The following ARSG variants were observed in gnomAD, a reference collection of about 807,000 sequenced individuals.
The protein encoded by ARSG is ASG.
ARSG carries 37 observed loss-of-function variants against 50.5 expected under a neutral mutation model. The ratio of observed to expected loss-of-function variants is 0.73; its 90% confidence interval spans 0.56 to 0.96. ARSG has a LOEUF of 0.96. Ranked by LOEUF, ARSG falls within the 50% of genes least tolerant of loss-of-function variation. The probability of loss-of-function intolerance (pLI) is 0.00; values close to 1 mark genes in which losing one functional copy is unlikely to be tolerated. For missense variants in ARSG, 629 were observed against 675.3 expected, an observed-to-expected ratio of 0.93 and a Z score of 0.76; for synonymous variants, 225 against 254.6, an observed-to-expected ratio of 0.88 and a Z score of 1.11.
intron 6 of ARSG, among the ~76,000 whole-genome samples, chr17:68,357,176 G>A (rs1490277696): frequency 6.6e-6 from 1 of 152,194 alleles, no homozygotes; most frequent in Non-Finnish European, 1.5e-5. Flanking sequence ...CTGGCAGGAT[G>A]TATTACTTTT....
intron 11 of ARSG, among the ~76,000 whole-genome samples, chr17:68,416,721 G>A (rs997454808): frequency 1.3e-5 from 2 of 151,936 alleles, no homozygotes; most frequent in African/African-American, 2.4e-5. Context: ...CCTTGTCTTC[G>A]AGCTCTGAAT....
chr17:68,316,647 T>C (rs2077080372), intron 2 of ARSG, among the ~76,000 whole-genome samples: 1 of 152,170 alleles, frequency 6.6e-6, no homozygotes, highest in African/African-American at 2.4e-5. Context: ...TGCTTATCTC[T>C]GCAATGGGAA....
chr17:68,307,327 T>C lies in ARSG; in HGVS notation c.-167T>C. On this transcript the variant is annotated 5_prime_UTR_variant, in exon 2 of 12. The change abolishes the stop of an existing upstream ORF in the 5' untranslated region. Coordinates refer to ENST00000621439, the MANE Select transcript of ARSG (RefSeq NM_001267727.2). ...ATTTCTACAGCCCCCAACATTCCTA[T>C]AGCCGTTATCACTGCCATCACCACT... 1.6e-6 allele frequency: 1 copy of C among 609,794 alleles called. No homozygotes were observed. The highest frequency in any genetic ancestry group is 3.0e-5 in the Admixed American group (1 of 33,774). The allele number at this position is 609,794 out of a possible 1,614,324, so 37.8% of individuals were successfully genotyped here. A position where few individuals can be genotyped will look rare whatever the true frequency, so the allele number is the denominator to read the frequency against.
intron 11 of ARSG, among the ~76,000 whole-genome samples, chr17:68,417,733 A>ATT (rs770292731): frequency 0.044 from 2,642 of 60,696 alleles, 770 homozygotes; most frequent in Non-Finnish European, 0.047. Flanking sequence ...GAGTTGCTGA[A>ATT]TTTTTTTTTT....
intron 11 of ARSG, among the ~76,000 whole-genome samples, chr17:68,411,765 C>G (rs1312531843): frequency 1.4e-5 from 2 of 147,828 alleles, no homozygotes; most frequent in Non-Finnish European, 1.5e-5. Flanking sequence ...GTCTAAGTCT[C>G]TTTGTAGGTC....
chr17:68,305,029 CTGGGCGTGG>C (rs1555763488), intron 1 of ARSG, among the ~76,000 whole-genome samples: 2 of 152,120 alleles, frequency 1.3e-5, no homozygotes, highest in African/African-American at 4.8e-5. Context: ...AAAAAATTAG[CTGGGCGTGG>C]TGGCATACAC....
chr17:68,316,851 G>A (rs1414338302), intron 2 of ARSG, among the ~76,000 whole-genome samples: 1 of 152,036 alleles, frequency 6.6e-6, no homozygotes, highest in South Asian at 2.1e-4. Flanking sequence ...TTTTCTCAGC[G>A]TCTGTTCCAA....
At chr17:68,358,731 T>C (rs765327936) in intron 6 of ARSG, among the ~76,000 whole-genome samples, 1 of 151,506 alleles carries the variant, frequency 6.6e-6, no homozygotes, top group Non-Finnish European at 1.5e-5. Context: ...CTGAGCATAG[T>C]TGTGTGAATC....
chr17:68,388,922 C>CAAAAAA (rs35105754), intron 9 of ARSG, among the ~76,000 whole-genome samples: 4 of 108,044 alleles, frequency 3.7e-5, no homozygotes, highest in African/African-American at 1.4e-4. Context: ...GACTCTGTCT[C>CAAAAAA]AAAAAAAAAA....
At chr17:68,445,843 C>A in the ARSG span, among the ~76,000 whole-genome samples, 10 of 152,334 alleles carry the variant, frequency 6.6e-5, no homozygotes, top group African/African-American at 2.4e-4. Flanking sequence ...TGACTTGGCT[C>A]CCCTCAGGCC....
chr17:68,395,132 G>C lies in ARSG; in HGVS notation c.1151G>C (p.Arg384Pro). ...ALAQASLPQG[R>P]RFDGVDVSEV... is the part of the protein sequence containing the mutation. The stretch of plus-strand genomic sequence containing the variant: ...GCCCAGGCCAGCTTACCTCAAGGAC[G>C]GCGCTTTGATGGTGTGGACGTCTCC... The change falls in exon 10 of 12, where the codon CGG (arginine) becomes CCG (proline). Residue 384 changes from arginine (R) to proline (P), a missense_variant. Coordinates refer to ENST00000621439, the MANE Select transcript of ARSG (RefSeq NM_001267727.2). The C allele has an allele frequency of 1.2e-6, 2 of 1,614,114 alleles. No homozygotes were observed. Among genetic ancestry groups the C allele is most frequent in the Non-Finnish European group, 1.7e-6 (2 of 1,179,982 alleles).
chr17:68,296,637 C>T (rs572559619), intron 1 of ARSG, among the ~76,000 whole-genome samples: 21 of 152,252 alleles, frequency 1.4e-4, no homozygotes, highest in African/African-American at 5.1e-4. Context: ...GCATCCATCC[C>T]TCCATCCTTC....
At chr17:68,288,705 C>T (rs1318605528), upstream of ARSG, among the ~76,000 whole-genome samples, 4 of 152,332 alleles carry the variant, frequency 2.6e-5, no homozygotes, top group South Asian at 2.1e-4. Context: ...AGCCTTTGAC[C>T]GTCACTTGCT....
At chr17:68,427,008 G>A (rs2083238557), downstream of ARSG, 1 of 747,406 alleles carries the variant, frequency 1.3e-6, no homozygotes, top group Middle Eastern at 3.8e-4. Flanking sequence ...AACAGTGAAG[G>A]GGGAAGGGGA....
At chr17:68,368,814 CAG>C (rs2079679259) in intron 7 of ARSG, 70 bp downstream of exon 7, 5 of 1,521,846 alleles carry the variant, frequency 3.3e-6, no homozygotes, top group Middle Eastern at 1.7e-4. Flanking sequence ...CTGTGAAGAG[CAG>C]AGTCTGGCCC....
chr17:68,287,328 CT>C (rs1401852161), upstream of ARSG, among the ~76,000 whole-genome samples: 86 of 144,558 alleles, frequency 5.9e-4, no homozygotes, highest in Admixed American at 1.5e-3. Context: ...TCTTCTTCTT[CT>C]TTTTTTTTTT....
At chr17:68,424,973 T>C (rs895803416), downstream of ARSG, among the ~76,000 whole-genome samples, 5 of 152,214 alleles carry the variant, frequency 3.3e-5, no homozygotes, top group South Asian at 6.2e-4. Flanking sequence ...GCGGTCTATA[T>C]GTTACTCCAG....
At chr17:68,417,425 T>C (rs2082439732) in intron 11 of ARSG, among the ~76,000 whole-genome samples, 2 of 152,178 alleles carry the variant, frequency 1.3e-5, no homozygotes, top group African/African-American at 4.8e-5. Context: ...TTGGTTGAGC[T>C]CCTGGAGGTA....
At chr17:68,421,882 T>C, downstream of ARSG, 1 of 1,606,170 alleles carries the variant, frequency 6.2e-7, no homozygotes, top group East Asian at 2.2e-5. Context: ...GGCAGGTGCA[T>C]TATCAACAGG....
Sources: gnomAD v4.1 joint callset for allele counts (sites outside exome capture counted in the v4.1 genomes callset) on GRCh38, gnomAD v4.1.1 for gene constraint, MANE v1.5 for transcripts, NCBI Gene and HGNC (gene_info 2026-07-23, HGNC 2026-07-21) for gene names.